The following HECTD4 variants were observed in gnomAD, a reference collection of about 807,000 sequenced individuals.
HECTD4 encodes the protein probable E3 ubiquitin-protein ligase HECTD4.
In HECTD4, 114 loss-of-function variants were observed where a neutral mutation model predicts 471.5. The observed-to-expected ratio is 0.24, with a 90% confidence interval of 0.21 to 0.28. HECTD4 has a LOEUF of 0.28. HECTD4 is among the 10% of genes least tolerant of loss of function. The pLI is 1.00. For synonymous variants in HECTD4, 2,012 were observed against 2,256.0 expected (o/e 0.89, Z 3.07); for missense variants, 3,866 against 5,651.5 (o/e 0.68, Z 10.13).
chr12:112,237,195 T>A, intron 34 of HECTD4, 97 bp from the exon 35 acceptor site: 1 of 1,074,868 alleles, frequency 9.3e-7, no homozygotes, highest in Non-Finnish European at 1.3e-6. Flanking sequence ...TTATCTTGCT[T>A]AATGTTTCAT....
At chr12:112,209,911 T>A (rs2032710428) in intron 50 of HECTD4, 104 bp downstream of exon 50, 1 of 968,018 alleles carries the variant, frequency 1.0e-6, no homozygotes, top group Non-Finnish European at 1.6e-6. Flanking sequence ...AGTTTGCAAC[T>A]CCTGATTGTA....
At chr12:112,269,978 C>A in intron 12 of HECTD4, 129 bp from the exon 13 acceptor site, 1 of 799,102 alleles carries the variant, frequency 1.3e-6, no homozygotes, top group East Asian at 2.6e-5. Context: ...ACCACAATCT[C>A]TTCTACTGTG....
intron 65 of HECTD4, among the ~76,000 whole-genome samples, chr12:112,176,339 T>C (rs1469904636): frequency 6.6e-6 from 1 of 152,230 alleles, no homozygotes; most frequent in Non-Finnish European, 1.5e-5. Flanking sequence ...GCGGTGTTTC[T>C]GGAACTGCTA....
chr12:112,226,434 A>T (rs2033238892), intron 44 of HECTD4: 1 of 425,808 alleles, frequency 2.3e-6, no homozygotes, highest in Non-Finnish European at 4.2e-6. Context: ...AGTTAATTGA[A>T]AAATGCTGAT....
chr12:112,176,837 T>A (rs1455774628), intron 64 of HECTD4, 135 bp from the exon 65 acceptor site: 1 of 680,264 alleles, frequency 1.5e-6, no homozygotes, highest in Non-Finnish European at 2.6e-6. Flanking sequence ...GGCGGGGGCG[T>A]TCAAGACCGC....
At position 112,235,400 on chromosome 12, in the gene HECTD4, T is replaced by C; in HGVS notation, c.5725+104A>G. 6.7e-7 allele frequency: 1 copy of C among 1,489,070 alleles called. No individual in the cohort carries two copies. Among genetic ancestry groups the C allele is most frequent in the Non-Finnish European group, 9.1e-7 (1 of 1,104,356 alleles). 92.2% of individuals were successfully genotyped at this position (1,489,070 alleles called of 1,614,324 possible). On this transcript the variant is annotated intron_variant, in intron 36 of 75. Coordinates refer to ENST00000682272, the MANE Select transcript of HECTD4 (RefSeq NM_001388303.1). This position sits in a 1 kb window ranked among gnomAD's most constrained non-coding sequence, Gnocchi z 5.0. Reference sequence around the variant, plus strand: ...CTATTCCTGTCCCCGCTCCCTTCTCTGTCACTCACTCTTTCATCATAGGAA... The same window carrying C: ...CTATTCCTGTCCCCGCTCCCTTCTCCGTCACTCACTCTTTCATCATAGGAA...
At position 112,238,125 on chromosome 12, in the gene HECTD4, C is replaced by G. The variant is rs141566715; in HGVS notation, c.5290+927G>C. 5.2e-3 allele frequency among the ~76,000 whole-genome samples: 790 copies of G among 152,202 alleles called. 4 individuals carry two copies. Among genetic ancestry groups the G allele is most frequent in the African/African-American group, 0.018 (742 of 41,540 alleles). On this transcript the variant is annotated intron_variant, in intron 34 of 75. Transcript: ENST00000682272. Reference sequence around the variant, plus strand: ...TTTTGCCTGGCATATAATAGACTCTCAAGACATTAAAATGCATCGTGAACA... The same window carrying G: ...TTTTGCCTGGCATATAATAGACTCTGAAGACATTAAAATGCATCGTGAACA...
rs756396931 is a variant in HECTD4, at chr12:112,172,841, C to T, written c.11615G>A (p.Arg3872Gln). 21 of 1,613,772 alleles carry T rather than the reference C, an allele frequency of 1.3e-5. No individual in the cohort carries two copies. The highest frequency in any genetic ancestry group is 4.4e-5 in the South Asian group (4 of 91,072). The change falls in exon 67 of 76, where the codon CGA (arginine) becomes CAA (glutamine). Residue 3872 changes from arginine to glutamine, a missense_variant. Physicochemically the swap from Arg to Gln is conservative, Grantham distance 43. This residue lies in a region of HECTD4 where 715 missense variants were observed against 1,087.6 expected (regional missense o/e 0.66). Coordinates refer to ENST00000682272, the MANE Select transcript of HECTD4 (RefSeq NM_001388303.1). ...CTTTCTTGAGGCCTTCTGTGCATGTCGGACATCGATGCATGCGCACCTTGG... is the reference window on the plus strand; with the variant it reads ...CTTTCTTGAGGCCTTCTGTGCATGTTGGACATCGATGCATGCGCACCTTGG... The part of the protein sequence containing the change: ...HFERCACIDV[R>Q]HAQKASRKWT...
intron 7 of HECTD4, among the ~76,000 whole-genome samples, chr12:112,303,590 C>T (rs1235066954): frequency 2.0e-5 from 3 of 152,124 alleles, no homozygotes; most frequent in African/African-American, 7.2e-5. Flanking sequence ...TGGCTCAGGC[C>T]TGTTATCCTA....
chr12:112,348,534 A>G (rs1262047478), intron 1 of HECTD4, among the ~76,000 whole-genome samples: 1 of 152,136 alleles, frequency 6.6e-6, no homozygotes, highest in African/African-American at 2.4e-5. Context: ...GAGGCAGATG[A>G]ATCGCTTGAG....
intron 32 of HECTD4, 86 bp from the exon 33 acceptor site, chr12:112,240,113 A>C: frequency 7.2e-7 from 1 of 1,383,548 alleles, no homozygotes; most frequent in South Asian, 1.3e-5. Flanking sequence ...GAAACTCTAG[A>C]GTATCTGGAT....
chr12:112,185,400 T>C lies in HECTD4; in HGVS notation c.9566A>G (p.Glu3189Gly). 6.2e-7 allele frequency: 1 copy of C among 1,612,696 alleles called. No homozygotes were observed. The highest frequency in any genetic ancestry group is 8.5e-7 in the Non-Finnish European group (1 of 1,179,586). The change falls in exon 61 of 76, where the codon GAG becomes GGG. Residue 3189 changes from glutamate to glycine, a missense_variant. Transcript: ENST00000682272. The part of the protein sequence containing the change: ...AELLRTVHTL[E>G]QRRHPAGLSS... Reference sequence around the variant, plus strand: ...CAGGCCAGCGGGGTGCCGCCTCTGCTCCAGGGTGTGCACCGTGCGCAGGAG... The same window carrying C: ...CAGGCCAGCGGGGTGCCGCCTCTGCCCCAGGGTGTGCACCGTGCGCAGGAG...
chr12:112,234,941 C>T, intron 37 of HECTD4, 136 bp downstream of exon 37: 1 of 700,012 alleles, frequency 1.4e-6, no homozygotes, highest in East Asian at 2.8e-5. Context: ...CCACAGGAAT[C>T]ACAGTGACAG....
rs571510115 is a variant in HECTD4 at position 112,360,715 on chromosome 12, G to T, written c.177+21237C>A. 2.8e-3 allele frequency among the ~76,000 whole-genome samples: 431 copies of T among 152,266 alleles called. 5 individuals are homozygous for T. Among genetic ancestry groups the T allele is most frequent in the African/African-American group, 9.6e-3 (401 of 41,560 alleles). ...AAAGGTAAGATTGGCCGGGGGCGGT[G>T]GCTCACGCCTGTAATTCCAGCACTT... On this transcript the variant is annotated intron_variant, in intron 1 of 75. Transcript: ENST00000682272.
chr12:112,258,875 G>A, intron 19 of HECTD4: 1 of 562,540 alleles, frequency 1.8e-6, no homozygotes, highest in Non-Finnish European at 3.0e-6. Flanking sequence ...CATTTTTATA[G>A]CTGATCAGCC....
intron 43 of HECTD4, among the ~76,000 whole-genome samples, chr12:112,227,275 C>A (rs771472410): frequency 3.9e-5 from 6 of 152,126 alleles, no homozygotes; most frequent in Admixed American, 1.3e-4. Flanking sequence ...GCCTGGCCAA[C>A]ATGGCGAGAC....
intron 29 of HECTD4, among the ~76,000 whole-genome samples, chr12:112,244,794 G>C (rs951181962): frequency 8.5e-5 from 13 of 152,112 alleles, no homozygotes; most frequent in African/African-American, 3.1e-4. Flanking sequence ...TTTGATCATA[G>C]TTGGTAGGAA....
chr12:112,269,133 A>G (rs1336041102), intron 13 of HECTD4, among the ~76,000 whole-genome samples: 1 of 151,932 alleles, frequency 6.6e-6, no homozygotes, highest in Non-Finnish European at 1.5e-5. Flanking sequence ...TCGGCCTCCC[A>G]AAGTGCTGGG....
At chr12:112,274,531 C>G (rs1473507646) in intron 10 of HECTD4, among the ~76,000 whole-genome samples, 1 of 152,082 alleles carries the variant, frequency 6.6e-6, no homozygotes, top group Non-Finnish European at 1.5e-5. Flanking sequence ...CATAGTGAGA[C>G]CTTGGCTCTA....
Sources: allele counts gnomAD v4.1 joint callset (sites outside exome capture counted in the v4.1 genomes callset), GRCh38; gene constraint gnomAD v4.1.1; regional missense constraint gnomAD v4.1.1; non-coding constraint Gnocchi (gnomAD v3.1); transcripts MANE v1.5; gene names NCBI Gene and HGNC (gene_info 2026-07-23, HGNC 2026-07-21).